The following ARHGAP26 variants were observed in gnomAD, a reference collection of about 807,000 sequenced individuals.
The protein encoded by ARHGAP26 is rho GTPase-activating protein 26.
ARHGAP26 carries 38 observed loss-of-function variants against 104.8 expected under a neutral mutation model. That is an observed-to-expected ratio of 0.36 (90% CI 0.28 to 0.48). The LOEUF is 0.48. Among genes scored for constraint, ARHGAP26 ranks in the 20% least tolerant of loss-of-function variants. ARHGAP26 has a pLI of 0.99. For synonymous variants in ARHGAP26, 341 were observed against 340.0 expected, an observed-to-expected ratio of 1.00 and a Z score of -0.03; for missense variants, 704 against 947.9, an observed-to-expected ratio of 0.74 and a Z score of 3.38.
chr5:142,799,636 G>A (rs1053621700), intron 1 of ARHGAP26, among the ~76,000 whole-genome samples: 4 of 152,170 alleles, frequency 2.6e-5, no homozygotes, highest in African/African-American at 9.7e-5. Flanking sequence ...CTGGAGGCTG[G>A]GAAGTCCAAG....
intron 17 of ARHGAP26, among the ~76,000 whole-genome samples, chr5:143,094,930 T>G (rs1274647432): frequency 6.6e-6 from 1 of 152,126 alleles, no homozygotes; most frequent in Non-Finnish European, 1.5e-5. Flanking sequence ...AAGAGGAAGT[T>G]AAGTTTAAAA....
chr5:142,977,154 G>A (rs1773218580), intron 11 of ARHGAP26, among the ~76,000 whole-genome samples: 1 of 152,218 alleles, frequency 6.6e-6, no homozygotes. Flanking sequence ...AGAAAGTGGG[G>A]ATGGATTCTG....
chr5:142,978,434 T>C lies in ARHGAP26; in HGVS notation c.1108-35646T>C, dbSNP rs138347768. ...TAGCCAGGGTTGGCTGGTGCTGCTC[T>C]CATCATTGACATAACCAATCTGAAA... is the stretch of plus-strand genomic sequence containing the variant. On this transcript the variant is annotated intron_variant, in intron 11 of 22. Transcript: ENST00000645722. Among the ~76,000 whole-genome samples the C allele has an allele frequency of 2.9e-3, 442 of 152,332 alleles. 3 individuals carry two copies. Among genetic ancestry groups the C allele is most frequent in the Middle Eastern group, 0.024 (7 of 294 alleles).
chr5:143,017,965 C>T (rs1654582633), intron 12 of ARHGAP26, among the ~76,000 whole-genome samples: 1 of 152,200 alleles, frequency 6.6e-6, no homozygotes, highest in Non-Finnish European at 1.5e-5. Flanking sequence ...GCAGTCCCAC[C>T]AACCCTACAT....
chr5:142,771,234 C>G (rs966805637), intron 1 of ARHGAP26: 31 of 1,252,010 alleles, frequency 2.5e-5, no homozygotes, highest in Admixed American at 4.1e-5. Context: ...GCCAGAGTGC[C>G]GAGCGCGCCG....
At chr5:143,195,165 A>G (rs1249744008) in intron 20 of ARHGAP26, among the ~76,000 whole-genome samples, 1 of 152,192 alleles carries the variant, frequency 6.6e-6, no homozygotes, top group Non-Finnish European at 1.5e-5. Flanking sequence ...TCTGCCTTTC[A>G]TGGTATCCGG....
At position 143,228,816 on chromosome 5, in the gene ARHGAP26, T is replaced by C. The variant is rs529588727; in HGVS notation, c.*6370T>C. 1 of 193,620 alleles carries C rather than the reference T, an allele frequency of 5.2e-6. No homozygotes were observed. Among genetic ancestry groups the C allele is most frequent in the Non-Finnish European group, 1.1e-5 (1 of 92,440 alleles). The allele number at this position is 193,620 out of a possible 1,614,324, so 12.0% of individuals were successfully genotyped here. A position where few individuals can be genotyped will look rare whatever the true frequency, so the allele number is the denominator to read the frequency against. ...TAGAATAGACCTTTGTCCCTGTTAG[T>C]AGCCCTGTTGCCATGTTCAGGCTTT... On this transcript the variant is annotated 3_prime_UTR_variant, in exon 23 of 23. Coordinates refer to ENST00000645722, the MANE Select transcript of ARHGAP26 (RefSeq NM_001135608.3).
Position 142,997,554 on chromosome 5 carries a change from G to C in ARHGAP26, c.1108-16526G>C, listed in dbSNP as rs116975327. 3.3e-3 allele frequency among the ~76,000 whole-genome samples: 490 copies of C among 149,914 alleles called. 16 individuals carry two copies. The East Asian group carries it at 0.053, about 16-fold the overall frequency. On this transcript the variant is annotated intron_variant, in intron 11 of 22. Transcript: ENST00000645722. ...CTCCCAGGTAGCTGGGACTACAGGTGCATGCCACCCATGCCTGGCTGATTT... is the reference window on the plus strand; with the variant it reads ...CTCCCAGGTAGCTGGGACTACAGGTCCATGCCACCCATGCCTGGCTGATTT...
chr5:142,858,924 C>T (rs561075614), intron 1 of ARHGAP26, among the ~76,000 whole-genome samples: 2 of 152,308 alleles, frequency 1.3e-5, no homozygotes, highest in Admixed American at 6.5e-5. Flanking sequence ...AAAGAGGGCA[C>T]AGGACAAGTG....
chr5:142,933,820 A>G (rs541092233), intron 11 of ARHGAP26, among the ~76,000 whole-genome samples: 12 of 152,372 alleles, frequency 7.9e-5, no homozygotes, highest in African/African-American at 2.9e-4. Flanking sequence ...GATACTGTGA[A>G]TAGTTGGCAG....
chr5:143,055,927 T>C lies in ARHGAP26; in HGVS notation c.1374-101T>C, dbSNP rs1785741246. 5 of 766,892 alleles carry C rather than the reference T, an allele frequency of 6.5e-6. No individual in the cohort carries two copies. In the East Asian group the frequency reaches 1.1e-4, roughly 16 times the overall value. The allele number at this position is 766,892 out of a possible 1,614,324, so 47.5% of individuals were successfully genotyped here. ...TATTGTTTCCCTGTGATCTTTGTCT[T>C]CGAGAAATGTATTACAGTTTGTCAG... On this transcript the variant is annotated intron_variant, in intron 15 of 22. Transcript: ENST00000645722.
Position 143,035,915 on chromosome 5 carries a change from G to A in ARHGAP26, c.1145-1281G>A, listed in dbSNP as rs1009849270. Among the ~76,000 whole-genome samples the A allele has an allele frequency of 1.1e-4, 13 of 123,402 alleles. No homozygotes were observed. In the Admixed American group the frequency reaches 1.1e-3, roughly 11 times the overall value. 81.0% of individuals were successfully genotyped at this position (123,402 alleles called of 152,430 possible). On this transcript the variant is annotated intron_variant, in intron 12 of 22. Coordinates refer to ENST00000645722, the MANE Select transcript of ARHGAP26 (RefSeq NM_001135608.3). The stretch of plus-strand genomic sequence containing the variant: ...CATGCCACTGCACTCCAGCTTGAGC[G>A]ACAGAGTAAGACCTTGTCTCAAAAA...
chr5:142,939,485 C>A (rs1399031657), intron 11 of ARHGAP26, among the ~76,000 whole-genome samples: 1 of 152,220 alleles, frequency 6.6e-6, no homozygotes, highest in African/African-American at 2.4e-5. Context: ...TCTCACCTTT[C>A]TCTACCGTGC....
chr5:142,828,218 A>G (rs1401158157), intron 1 of ARHGAP26, among the ~76,000 whole-genome samples: 3 of 152,200 alleles, frequency 2.0e-5, no homozygotes, highest in Non-Finnish European at 2.9e-5. Context: ...ATCTGTTAAA[A>G]ATTACGAGTG....
chr5:142,786,075 A>G lies in ARHGAP26; in HGVS notation c.154+15160A>G, dbSNP rs185449219. ...ACCCTCAGACTTCTGGGCACAAGCA[A>G]TCCTCCCACCTCAGCCTCCCAAGTA... On this transcript the variant is annotated intron_variant, in intron 1 of 22. Transcript: ENST00000645722. 2.3e-3 allele frequency among the ~76,000 whole-genome samples: 356 copies of G among 151,728 alleles called. 2 individuals are homozygous for G. The highest frequency in any genetic ancestry group is 8.3e-3 in the African/African-American group (341 of 41,330).
At chr5:142,895,420 C>T (rs925435604) in intron 6 of ARHGAP26, among the ~76,000 whole-genome samples, 6 of 151,888 alleles carry the variant, frequency 4.0e-5, no homozygotes, top group Non-Finnish European at 5.9e-5. Context: ...TTAGTAGAGA[C>T]GGGGTTTCAC....
intron 11 of ARHGAP26, among the ~76,000 whole-genome samples, chr5:143,002,163 G>A (rs1330628441): frequency 2.0e-5 from 3 of 152,168 alleles, no homozygotes; most frequent in Admixed American, 2.0e-4. Flanking sequence ...AGGGACTGGA[G>A]GTTGAAAGGA....
chr5:143,093,661 C>T (rs768894149), intron 17 of ARHGAP26, among the ~76,000 whole-genome samples: 4 of 151,932 alleles, frequency 2.6e-5, no homozygotes, highest in Admixed American at 6.6e-5. Flanking sequence ...TCTTTCCTCT[C>T]TCTCTCTCTT....
chr5:143,113,960 C>T (rs1356357701), intron 17 of ARHGAP26, among the ~76,000 whole-genome samples: 1 of 152,118 alleles, frequency 6.6e-6, no homozygotes, highest in Non-Finnish European at 1.5e-5. Context: ...ACTTCATTCC[C>T]CTCCTGACTT....
Sources: allele counts gnomAD v4.1 joint callset (sites outside exome capture counted in the v4.1 genomes callset), GRCh38; gene constraint gnomAD v4.1.1; transcripts MANE v1.5; gene names NCBI Gene and HGNC (gene_info 2026-07-23, HGNC 2026-07-21).